DCDC2: variants seen among roughly 807,000 people sequenced by gnomAD.
The protein encoded by DCDC2 is doublecortin domain-containing protein 2.
DCDC2 carries 40 observed loss-of-function variants against 50.2 expected under a neutral mutation model. The observed-to-expected ratio is 0.80, with a 90% confidence interval of 0.62 to 1.04. DCDC2 has a LOEUF of 1.04. Ranked by LOEUF, DCDC2 falls within the 50% of genes least tolerant of loss-of-function variation. The pLI, the probability that DCDC2 is intolerant of heterozygous loss-of-function variation, is 0.00. For missense variants in DCDC2, 570 were observed against 581.9 expected, an observed-to-expected ratio of 0.98 and a Z score of 0.21; for synonymous variants, 234 against 210.6, an observed-to-expected ratio of 1.11 and a Z score of -0.96.
intron 8 of DCDC2, among the ~76,000 whole-genome samples, chr6:24,180,440 A>C (rs1205428441): frequency 1.3e-5 from 2 of 151,726 alleles, no homozygotes; most frequent in Admixed American, 6.6e-5. Context: ...GCCCGCCACC[A>C]CGCCCGGCTA....
chr6:24,299,777 G>A (rs1759332782), intron 4 of DCDC2, among the ~76,000 whole-genome samples: 1 of 152,078 alleles, frequency 6.6e-6, no homozygotes, highest in South Asian at 2.1e-4. Flanking sequence ...TAATTAGATG[G>A]GCATGGTGGC....
rs1213441054 is a variant in DCDC2, at chr6:24,297,470, T to TA, written c.557+4244dup. ...TACCCGTGAACCTAAAATACAAGTT[T>TA]AAAAAAAAAGAAGTTTCTCTAAGTA... On this transcript the variant is annotated intron_variant, in intron 4 of 9. Transcript: ENST00000378454. 5.3e-5 allele frequency among the ~76,000 whole-genome samples: 8 copies of TA among 151,302 alleles called. No individual in the cohort carries two copies. The East Asian group carries it at 1.4e-3, about 26-fold the overall frequency.
rs183450732 is a variant in DCDC2 at position 24,317,481 on chromosome 6, T to C, written c.349-15437A>G. On this transcript the variant is annotated intron_variant, in intron 2 of 9. Coordinates refer to ENST00000378454, the MANE Select transcript of DCDC2 (RefSeq NM_016356.5). ...AAAATTCGATCCATATCTTATACTA[T>C]AGACAAGAATGAACTCCAAATGGAA... is the stretch of plus-strand genomic sequence containing the variant. Among the ~76,000 whole-genome samples, 1,208 of 152,068 alleles carry C rather than the reference T, an allele frequency of 7.9e-3. 3 individuals are homozygous for C. The highest frequency in any genetic ancestry group is 0.017 in the Middle Eastern group (5 of 294).
intron 7 of DCDC2, among the ~76,000 whole-genome samples, chr6:24,267,752 G>A (rs1292598613): frequency 6.6e-6 from 1 of 152,176 alleles, no homozygotes; most frequent in African/African-American, 2.4e-5. Flanking sequence ...TTTGCAGGCT[G>A]GAACCAAAGG....
At chr6:24,200,849 G>A (rs1467602486) in intron 8 of DCDC2, among the ~76,000 whole-genome samples, 1 of 151,746 alleles carries the variant, frequency 6.6e-6, no homozygotes, top group Non-Finnish European at 1.5e-5. Context: ...AAAAACCAGG[G>A]GTTGCAATCC....
rs1017105089 is a variant in DCDC2 at position 24,172,432 on chromosome 6, T to C, written c.*2298A>G. 6.6e-6 allele frequency: 1 copy of C among 152,192 alleles called. No homozygotes were observed. Among genetic ancestry groups the C allele is most frequent in the African/African-American group, 2.4e-5 (1 of 41,456 alleles). 9.4% of individuals were successfully genotyped at this position (152,192 alleles called of 1,614,324 possible). A position where few individuals can be genotyped will look rare whatever the true frequency, so the allele number is the denominator to read the frequency against. ...TTAAAATACCAAACGTTATTATTCATGTAAAATATCAATGTTGTGCTTCAT... is the reference window on the plus strand; with the variant it reads ...TTAAAATACCAAACGTTATTATTCACGTAAAATATCAATGTTGTGCTTCAT... On this transcript the variant is annotated 3_prime_UTR_variant, in exon 10 of 10. Coordinates refer to ENST00000378454, the MANE Select transcript of DCDC2 (RefSeq NM_016356.5).
intron 2 of DCDC2, among the ~76,000 whole-genome samples, chr6:24,337,494 T>C (rs184879671): frequency 3.8e-4 from 58 of 152,064 alleles, no homozygotes; most frequent in Non-Finnish European, 7.8e-4. Flanking sequence ...TGATGACTTG[T>C]TAAAGAAGAG....
chr6:24,303,418 C>T (rs1485490153), intron 2 of DCDC2, among the ~76,000 whole-genome samples: 1 of 152,142 alleles, frequency 6.6e-6, no homozygotes, highest in African/African-American at 2.4e-5. Context: ...CAAAACATCC[C>T]CTGCATCCAC....
intron 8 of DCDC2, among the ~76,000 whole-genome samples, chr6:24,186,788 G>A (rs1346998938): frequency 6.6e-6 from 1 of 152,094 alleles, no homozygotes; most frequent in Admixed American, 6.5e-5. Flanking sequence ...TCTCACTTTT[G>A]GGGGCTGAAC....
At chr6:24,272,090 T>C (rs983526016) in intron 7 of DCDC2, among the ~76,000 whole-genome samples, 1 of 152,060 alleles carries the variant, frequency 6.6e-6, no homozygotes, top group East Asian at 1.9e-4. Flanking sequence ...AAAAGAATCC[T>C]TTTCGAAAAA....
chr6:24,353,837 A>G (rs1417605559), intron 1 of DCDC2, among the ~76,000 whole-genome samples: 3 of 152,210 alleles, frequency 2.0e-5, no homozygotes, highest in Non-Finnish European at 2.9e-5. Context: ...AAACTTCAAG[A>G]GAAGGAAAGT....
Position 24,173,352 on chromosome 6 carries a change from G to A in DCDC2, c.*1378C>T, listed in dbSNP as rs1760829257. The A allele has an allele frequency of 2.0e-5, 3 of 152,134 alleles. No homozygotes were observed. The highest frequency in any genetic ancestry group is 4.1e-4 in the South Asian group (2 of 4,820). The allele number at this position is 152,134 out of a possible 1,614,324, so 9.4% of individuals were successfully genotyped here. ...TCTTTATTCCAAATGAAACCTGGAA[G>A]AGAAAAAATGTTTTAAACTTGTAAT... is the stretch of plus-strand genomic sequence containing the variant. On this transcript the variant is annotated 3_prime_UTR_variant, in exon 10 of 10. Transcript: ENST00000378454.
At chr6:24,356,827 C>G (rs1382270505) in intron 1 of DCDC2, 4 of 152,142 alleles carry the variant, frequency 2.6e-5, no homozygotes, top group African/African-American at 9.7e-5. Context: ...GAATAAGGAC[C>G]CCTGCCCTTG....
chr6:24,265,746 A>T (rs981847679), intron 7 of DCDC2, among the ~76,000 whole-genome samples: 1 of 152,224 alleles, frequency 6.6e-6, no homozygotes, highest in East Asian at 1.9e-4. Context: ...AATGTATGGG[A>T]TATAGCGAAG....
At chr6:24,266,927 G>T (rs1763134583) in intron 7 of DCDC2, among the ~76,000 whole-genome samples, 1 of 152,080 alleles carries the variant, frequency 6.6e-6, no homozygotes, top group Admixed American at 6.5e-5. Context: ...ACAGATGAAT[G>T]AATAAAGAAA....
intron 7 of DCDC2, among the ~76,000 whole-genome samples, chr6:24,264,646 A>G (rs910700695): frequency 3.1e-4 from 47 of 152,152 alleles, no homozygotes; most frequent in African/African-American, 1.1e-3. Flanking sequence ...AAAAAACAAA[A>G]AGCAATAAAT....
upstream of DCDC2, among the ~76,000 whole-genome samples, chr6:24,362,370 G>T (rs1368609409): frequency 5.2e-5 from 7 of 135,238 alleles, no homozygotes; most frequent in East Asian, 2.2e-4. Context: ...TTATTTAATT[G>T]TATGTTTATA....
At chr6:24,306,531 T>TAGAC (rs1220137303) in intron 2 of DCDC2, among the ~76,000 whole-genome samples, 1 of 138,814 alleles carries the variant, frequency 7.2e-6, no homozygotes, top group Non-Finnish European at 1.5e-5. Context: ...GATAGATAGA[T>TAGAC]AGATAGATAG....
At chr6:24,211,141 G>A (rs980142336) in intron 7 of DCDC2, among the ~76,000 whole-genome samples, 2 of 152,038 alleles carry the variant, frequency 1.3e-5, no homozygotes, top group Non-Finnish European at 2.9e-5. Context: ...CAGTTTGTCC[G>A]TATTTTTCAC....
Sources: allele counts gnomAD v4.1 joint callset (sites outside exome capture counted in the v4.1 genomes callset), GRCh38; gene constraint gnomAD v4.1.1; transcripts MANE v1.5; gene names NCBI Gene and HGNC (gene_info 2026-07-23, HGNC 2026-07-21).